The following DACH2 variants were observed in gnomAD, a reference collection of about 807,000 sequenced individuals.
DACH2 encodes the protein dachshund family transcription factor 2.
DACH2 carries 17 observed loss-of-function variants against 35.8 expected under a neutral mutation model. The ratio of observed to expected loss-of-function variants is 0.48; its 90% CI spans 0.33 to 0.71. The LOEUF is 0.71. Among genes scored for constraint, DACH2 ranks in the 30% least tolerant of loss-of-function variants. The pLI is 0.02. For synonymous variants in DACH2, 195 were observed against 177.3 expected (o/e 1.10, Z -0.79); for missense variants, 469 against 472.7 (o/e 0.99, Z 0.07).
intron 1 of DACH2, among the ~76,000 whole-genome samples, chrX:86,215,637 C>A (rs891978209): frequency 3.6e-5 from 4 of 111,607 alleles, no homozygotes; most frequent in African/African-American, 1.3e-4. Flanking sequence ...GGTTGTGCCA[C>A]TTCAATTCTG....
chrX:86,554,637 G>A lies in DACH2; in HGVS notation c.640+40246G>A, dbSNP rs763813177. ...GTTTCTTATCTTCTGACTCTGTTACGGCAATATGATGCCATAGAATGAGAT... is the reference window on the plus strand; with the variant it reads ...GTTTCTTATCTTCTGACTCTGTTACAGCAATATGATGCCATAGAATGAGAT... On this transcript the variant is annotated intron_variant, in intron 3 of 11. Transcript: ENST00000373125. 4.5e-5 allele frequency among the ~76,000 whole-genome samples: 5 copies of A among 111,360 alleles called. No homozygotes were observed. The East Asian group carries it at 1.1e-3, about 26-fold the overall frequency.
At chrX:86,358,846 A>G (rs1464413084) in intron 1 of DACH2, among the ~76,000 whole-genome samples, 1 of 112,080 alleles carries the variant, frequency 8.9e-6, no homozygotes, top group Admixed American at 9.5e-5. Flanking sequence ...TCACTGGCCT[A>G]TATCTGACAT....
intron 6 of DACH2, among the ~76,000 whole-genome samples, chrX:86,728,320 C>T (rs964667804): frequency 1.1e-4 from 12 of 111,941 alleles, no homozygotes; most frequent in African/African-American, 3.9e-4. Context: ...ACAACATATG[C>T]TCTTATGTGG....
At chrX:86,763,474 G>A (rs769636328) in intron 7 of DACH2, among the ~76,000 whole-genome samples, 2 of 112,093 alleles carry the variant, frequency 1.8e-5, no homozygotes, top group Non-Finnish European at 3.8e-5. Context: ...TTTGTTTTGA[G>A]ACGGAGTCTC....
At chrX:86,675,317 AATC>A (rs2040813471) in intron 4 of DACH2, among the ~76,000 whole-genome samples, 1 of 112,015 alleles carries the variant, frequency 8.9e-6, no homozygotes, top group South Asian at 3.8e-4. Context: ...GTGGGAAGAT[AATC>A]ATCATTTGAG....
intron 3 of DACH2, among the ~76,000 whole-genome samples, chrX:86,609,462 T>C (rs2039901444): frequency 8.9e-6 from 1 of 112,509 alleles, no homozygotes; most frequent in South Asian, 3.6e-4. Flanking sequence ...TGGATTGGTC[T>C]CTTGTGCCTT....
rs144752149 is a variant in DACH2 at position 86,764,305 on chromosome X, G to A, written c.1240+24423G>A. On this transcript the variant is annotated intron_variant, in intron 7 of 11. Coordinates refer to ENST00000373125, the MANE Select transcript of DACH2 (RefSeq NM_053281.3). ...TAAATTGCGTGGTGCTGAGACCTGG[G>A]TTCCCAATGATCGCATCACCTAGTC... 5.4e-3 allele frequency among the ~76,000 whole-genome samples: 604 copies of A among 111,178 alleles called. 3 individuals carry two copies. The highest frequency in any genetic ancestry group is 0.019 in the African/African-American group (579 of 30,577).
chrX:86,741,851 T>C (rs2041659511), intron 7 of DACH2, among the ~76,000 whole-genome samples: 1 of 111,164 alleles, frequency 9.0e-6, no homozygotes, highest in African/African-American at 3.3e-5. Flanking sequence ...ATGGCATGGG[T>C]TATGCATTGT....
chrX:86,546,339 C>CTCCTCTTCTTCTTCTTCCTCT, intron 3 of DACH2, among the ~76,000 whole-genome samples: 1 of 67,217 alleles, frequency 1.5e-5, no homozygotes, highest in Admixed American at 1.7e-4. Context: ...CTTCTTCTTC[C>CTCCTCTTCTTCTTCTTCCTCT]TCTTCTTCTT....
chrX:86,655,750 A>G (rs1003130771), intron 4 of DACH2, among the ~76,000 whole-genome samples: 1 of 111,545 alleles, frequency 9.0e-6, no homozygotes, highest in Non-Finnish European at 1.9e-5. Flanking sequence ...GAATCAATAT[A>G]TAAATGACTA....
intron 6 of DACH2, among the ~76,000 whole-genome samples, chrX:86,726,452 A>G (rs1359090272): frequency 3.6e-5 from 4 of 111,031 alleles, no homozygotes; most frequent in African/African-American, 6.6e-5. Flanking sequence ...TTATGCCTCA[A>G]TCTTGCAGCA....
intron 4 of DACH2, among the ~76,000 whole-genome samples, chrX:86,657,308 C>T (rs2040554518): frequency 9.0e-6 from 1 of 110,611 alleles, no homozygotes; most frequent in Non-Finnish European, 1.9e-5. Context: ...CCCATTTACC[C>T]TGATGTGATT....
intron 3 of DACH2, among the ~76,000 whole-genome samples, chrX:86,617,480 G>C (rs1245265781): frequency 1.8e-5 from 2 of 110,740 alleles, no homozygotes. Context: ...TCTCATCGTT[G>C]AACTTTCTCC....
intron 11 of DACH2, among the ~76,000 whole-genome samples, chrX:86,820,206 G>A (rs185339715): frequency 8.9e-6 from 1 of 111,743 alleles, no homozygotes; most frequent in East Asian, 2.8e-4. Context: ...ACCACAAAAT[G>A]AGTAACTGTG....
rs192463372 is a variant in DACH2 at position 86,186,373 on chromosome X, A to T, written c.488+37265A>T. Among the ~76,000 whole-genome samples, 6 of 112,421 alleles carry T rather than the reference A, an allele frequency of 5.3e-5. No homozygotes were observed. In the East Asian group the frequency reaches 1.7e-3, roughly 31 times the overall value. ...ACTATAAAATGAAATAGTGATTGTC[A>T]TATTGTATAATGAATATGAATTTAT... On this transcript the variant is annotated intron_variant, in intron 1 of 11. Coordinates refer to ENST00000373125, the MANE Select transcript of DACH2 (RefSeq NM_053281.3).
intron 7 of DACH2, among the ~76,000 whole-genome samples, chrX:86,791,059 A>G (rs1222967262): frequency 8.9e-6 from 1 of 111,808 alleles, no homozygotes; most frequent in East Asian, 2.8e-4. Context: ...AAATGAAAGT[A>G]TATAATCATA....
At chrX:86,537,570 A>T (rs1027324289) in intron 3 of DACH2, among the ~76,000 whole-genome samples, 1 of 112,077 alleles carries the variant, frequency 8.9e-6, no homozygotes, top group African/African-American at 3.2e-5. Flanking sequence ...TTTCCTTTTA[A>T]TTATAAATTC....
intron 2 of DACH2, among the ~76,000 whole-genome samples, chrX:86,400,823 G>A (rs904469351): frequency 3.6e-5 from 4 of 112,294 alleles, no homozygotes; most frequent in Admixed American, 2.8e-4. Flanking sequence ...CTACTCGGGG[G>A]TCAGGGACCC....
At chrX:86,197,590 GA>G (rs760224575) in intron 1 of DACH2, among the ~76,000 whole-genome samples, 8 of 106,080 alleles carry the variant, frequency 7.5e-5, no homozygotes, top group South Asian at 8.2e-4. Context: ...ATAGAAAACA[GA>G]AAAAAAAAGC....
Sources: gnomAD v4.1 joint callset for allele counts (sites outside exome capture counted in the v4.1 genomes callset) on GRCh38, gnomAD v4.1.1 for gene constraint, MANE v1.5 for transcripts, NCBI Gene and HGNC (gene_info 2026-07-23, HGNC 2026-07-21) for gene names.